Variants in DENND5B observed in about 807,000 individuals in gnomAD.
DENND5B encodes DENN domain containing 5B.
A neutral mutation model predicts 140.6 loss-of-function variants in DENND5B; 34 were observed. The observed-to-expected ratio is 0.24, with a 90% CI of 0.18 to 0.32. DENND5B has a LOEUF of 0.32. DENND5B is among the 10% of genes least tolerant of loss of function. The probability of loss-of-function intolerance (pLI) is 1.00; values close to 1 mark genes in which losing one functional copy is unlikely to be tolerated. For synonymous variants in DENND5B, 551 were observed against 562.1 expected (o/e 0.98, Z 0.28); for missense variants, 1,142 against 1,560.2 (o/e 0.73, Z 4.52).
chr12:31,531,981 A>C (rs1381571001), intron 1 of DENND5B, among the ~76,000 whole-genome samples: 3 of 152,198 alleles, frequency 2.0e-5, no homozygotes, highest in African/African-American at 7.2e-5. Flanking sequence ...TGTGTACTGG[A>C]AATATAATAG....
At chr12:31,413,703 T>A in intron 12 of DENND5B, 139 bp from the exon 13 acceptor site, 1 of 978,884 alleles carries the variant, frequency 1.0e-6, no homozygotes, top group Non-Finnish European at 1.4e-6. Flanking sequence ...TGATGTTGAT[T>A]AAATCTTTGA....
At chr12:31,579,616 G>A (rs993076019) in intron 1 of DENND5B, among the ~76,000 whole-genome samples, 1 of 151,964 alleles carries the variant, frequency 6.6e-6, no homozygotes. Flanking sequence ...AGGCGAGATT[G>A]CGCCACTGCA....
chr12:31,499,860 G>A (rs572666619), intron 1 of DENND5B, among the ~76,000 whole-genome samples: 1 of 152,316 alleles, frequency 6.6e-6, no homozygotes, highest in Admixed American at 6.5e-5. Flanking sequence ...AAAGCAAAGA[G>A]AATAGGTAAT....
intron 1 of DENND5B, among the ~76,000 whole-genome samples, chr12:31,507,102 G>A (rs940764628): frequency 6.6e-6 from 1 of 152,064 alleles, no homozygotes. Flanking sequence ...TACCTGATTA[G>A]CATAACATTC....
At chr12:31,418,258 A>G (rs1942851424) in intron 11 of DENND5B, among the ~76,000 whole-genome samples, 1 of 150,606 alleles carries the variant, frequency 6.6e-6, no homozygotes, top group African/African-American at 2.4e-5. Flanking sequence ...ATGTTATTAA[A>G]GAAAGCATAT....
At chr12:31,438,877 G>A (rs1943902119) in intron 7 of DENND5B, among the ~76,000 whole-genome samples, 1 of 152,060 alleles carries the variant, frequency 6.6e-6, no homozygotes, top group African/African-American at 2.4e-5. Flanking sequence ...TATAATAAAC[G>A]AAAAGGAAGG....
chr12:31,437,067 T>C (rs1230570160), intron 7 of DENND5B, among the ~76,000 whole-genome samples: 2 of 152,142 alleles, frequency 1.3e-5, no homozygotes, highest in African/African-American at 4.8e-5. Flanking sequence ...CCATTTTCTA[T>C]AAAATCTCCT....
chr12:31,563,766 T>TA (rs1397707511), intron 1 of DENND5B, among the ~76,000 whole-genome samples: 3 of 152,122 alleles, frequency 2.0e-5, no homozygotes, highest in African/African-American at 7.2e-5. Context: ...CTTTTGCAAA[T>TA]AAAAAAATTT....
intron 1 of DENND5B, among the ~76,000 whole-genome samples, chr12:31,549,665 G>T (rs1948974846): frequency 6.6e-6 from 1 of 152,004 alleles, no homozygotes; most frequent in Non-Finnish European, 1.5e-5. Flanking sequence ...AGCCCAGTAT[G>T]CACTAAATAT....
In DENND5B at chr12:31,441,111, G is replaced by A. The variant is rs182616454; in HGVS notation, c.2012+1664C>T. Among the ~76,000 whole-genome samples, 8 of 152,224 alleles carry A rather than the reference G, an allele frequency of 5.3e-5. No individual in the cohort carries two copies. In the East Asian group the frequency reaches 1.6e-3, roughly 30 times the overall value. Reference sequence around the variant, plus strand: ...TAATCCCAGCACTTTGGGAGGCCAAGGAGTTCAGGTTGCTTGAGCCCAGAA... The same window carrying A: ...TAATCCCAGCACTTTGGGAGGCCAAAGAGTTCAGGTTGCTTGAGCCCAGAA... On this transcript the variant is annotated intron_variant, in intron 7 of 20. Coordinates refer to ENST00000389082, the MANE Select transcript of DENND5B (RefSeq NM_144973.4).
At chr12:31,573,310 G>GA (rs1389893654) in intron 1 of DENND5B, among the ~76,000 whole-genome samples, 1 of 152,084 alleles carries the variant, frequency 6.6e-6, no homozygotes, top group Admixed American at 6.6e-5. Context: ...TTCTACATTT[G>GA]AAAAAAACAC....
At chr12:31,477,099 G>A (rs1219603883) in intron 3 of DENND5B, among the ~76,000 whole-genome samples, 6 of 151,806 alleles carry the variant, frequency 4.0e-5, no homozygotes, top group South Asian at 2.1e-4. Flanking sequence ...GTGGTGGTGC[G>A]CACCCATAGT....
chr12:31,430,499 A>C (rs1357713137), intron 8 of DENND5B, among the ~76,000 whole-genome samples: 2 of 31,160 alleles, frequency 6.4e-5, no homozygotes, highest in African/African-American at 2.2e-4. Flanking sequence ...TAAAAATACA[A>C]AAAAAAAAAA....
intron 3 of DENND5B, among the ~76,000 whole-genome samples, chr12:31,462,784 C>A (rs1311576257): frequency 1.3e-5 from 2 of 152,114 alleles, no homozygotes; most frequent in Admixed American, 6.5e-5. Flanking sequence ...CATGGTGAAA[C>A]CCCATTTCTA....
chr12:31,406,921 T>A (rs1038148165), intron 14 of DENND5B, among the ~76,000 whole-genome samples: 1 of 151,646 alleles, frequency 6.6e-6, no homozygotes, highest in Non-Finnish European at 1.5e-5. Context: ...CACATCAGCC[T>A]CCTGAGTAGG....
intron 1 of DENND5B, among the ~76,000 whole-genome samples, chr12:31,508,872 C>CTA (rs1947304083): frequency 6.6e-6 from 1 of 152,140 alleles, no homozygotes; most frequent in Admixed American, 6.5e-5. Flanking sequence ...CCTCCCAGTT[C>CTA]TATCAGAGAC....
intron 15 of DENND5B, among the ~76,000 whole-genome samples, chr12:31,402,246 T>C (rs1199172722): frequency 8.7e-6 from 1 of 114,758 alleles, no homozygotes; most frequent in Non-Finnish European, 2.2e-5. Flanking sequence ...CTGAAAATAG[T>C]AGGAGAAGAC....
intron 20 of DENND5B, 135 bp downstream of exon 20, chr12:31,389,187 ACT>A: frequency 3.7e-6 from 3 of 800,472 alleles, no homozygotes; most frequent in South Asian, 5.4e-5. Flanking sequence ...ATGGAGTGAG[ACT>A]CTGTTTCAAA....
At chr12:31,452,711 T>TG (rs759483103) in intron 4 of DENND5B, among the ~76,000 whole-genome samples, 7 of 152,318 alleles carry the variant, frequency 4.6e-5, no homozygotes, top group African/African-American at 7.2e-5. Context: ...GCATAGATTA[T>TG]GGTGCCTTTT....
Sources: allele counts gnomAD v4.1 joint callset (sites outside exome capture counted in the v4.1 genomes callset), GRCh38; gene constraint gnomAD v4.1.1; transcripts MANE v1.5; gene names NCBI Gene and HGNC (gene_info 2026-07-23, HGNC 2026-07-21).